The following STRBP variants were observed in gnomAD, a reference collection of about 807,000 sequenced individuals.
The protein encoded by STRBP is spermatid perinuclear RNA-binding protein.
Under a neutral mutation model 80.1 loss-of-function variants are expected in STRBP, and 13 were observed. The ratio of observed to expected loss-of-function variants is 0.16; its 90% CI spans 0.11 to 0.26. The LOEUF (loss-of-function observed/expected upper bound fraction) is 0.26. STRBP is among the 10% of genes least tolerant of loss of function. The pLI, the probability that STRBP is intolerant of heterozygous loss-of-function variation, is 1.00. For missense variants in STRBP, 485 were observed against 815.2 expected, an observed-to-expected ratio of 0.59 and a Z score of 4.93; for synonymous variants, 284 against 291.2, an observed-to-expected ratio of 0.98 and a Z score of 0.25.
At chr9:123,128,597 G>A (rs1346023759) in intron 17 of STRBP, among the ~76,000 whole-genome samples, 7 of 152,186 alleles carry the variant, frequency 4.6e-5, no homozygotes, top group Admixed American at 4.6e-4. Flanking sequence ...AAACTTATCC[G>A]TCGTCGCATC....
At chr9:123,134,562 T>C (rs910598523) in intron 16 of STRBP, among the ~76,000 whole-genome samples, 1 of 152,234 alleles carries the variant, frequency 6.6e-6, no homozygotes, top group African/African-American at 2.4e-5. Flanking sequence ...ATGAGTTTTA[T>C]AGCTTATAGT....
intron 2 of STRBP, among the ~76,000 whole-genome samples, chr9:123,190,522 T>TA (rs1164823273): frequency 6.6e-6 from 1 of 151,218 alleles, no homozygotes; most frequent in African/African-American, 2.4e-5. Context: ...TATCAATAGC[T>TA]AATATAAAAT....
At chr9:123,139,750 T>C in intron 13 of STRBP, 63 bp from the exon 14 acceptor site, 1 of 1,534,286 alleles carries the variant, frequency 6.5e-7, no homozygotes, top group East Asian at 2.3e-5. Flanking sequence ...ATAGACAAAA[T>C]ATTGAGAACA....
chr9:123,125,345 T>C lies in STRBP; in HGVS notation c.*252A>G. On this transcript the variant is annotated 3_prime_UTR_variant, in exon 19 of 19. Coordinates refer to ENST00000348403, the MANE Select transcript of STRBP (RefSeq NM_018387.5). ...TTGAACTGCTAGACTTTTATTTCCC[T>C]AGAACAGAAGGGCTGGTATAAGTTA... is the stretch of plus-strand genomic sequence containing the variant. 2.6e-6 allele frequency: 3 copies of C among 1,172,064 alleles called. No homozygotes were observed. The highest frequency in any genetic ancestry group is 3.2e-6 in the Non-Finnish European group (3 of 950,058). 72.6% of individuals were successfully genotyped at this position (1,172,064 alleles called of 1,614,324 possible).
At chr9:123,158,492 CAA>C in intron 9 of STRBP, 63 bp from the exon 10 acceptor site, 2 of 1,380,620 alleles carry the variant, frequency 1.4e-6, no homozygotes, top group Admixed American at 1.9e-5. Context: ...TAAACTAAAA[CAA>C]AAGAGAGATG....
At chr9:123,150,444 G>A (rs771789420) in intron 11 of STRBP, among the ~76,000 whole-genome samples, 27 of 152,158 alleles carry the variant, frequency 1.8e-4, no homozygotes, top group Non-Finnish European at 2.8e-4. Flanking sequence ...CCACATGCCT[G>A]TAGTCCCAGC....
In STRBP at chr9:123,240,578, G is replaced by A. The variant is rs574817308; in HGVS notation, c.-301-3612C>T. Among the ~76,000 whole-genome samples, 4 of 152,324 alleles carry A rather than the reference G, an allele frequency of 2.6e-5. No homozygotes were observed. In the East Asian group the frequency reaches 7.7e-4, roughly 29 times the overall value. ...TCAGGTTTCAGAGAAGGCATTGATA[G>A]AATTCATTTTTCTATATCCTTATCT... is the stretch of plus-strand genomic sequence containing the variant. On this transcript the variant is annotated intron_variant, in intron 1 of 18. Coordinates refer to ENST00000348403, the MANE Select transcript of STRBP (RefSeq NM_018387.5).
chr9:123,221,461 A>G (rs1315879993), intron 2 of STRBP, among the ~76,000 whole-genome samples: 3 of 151,956 alleles, frequency 2.0e-5, no homozygotes, highest in Non-Finnish European at 4.4e-5. Flanking sequence ...ATATTTTATT[A>G]TCAATTAACT....
At chr9:123,219,139 G>C (rs2039993866) in intron 2 of STRBP, among the ~76,000 whole-genome samples, 2 of 152,116 alleles carry the variant, frequency 1.3e-5, no homozygotes, top group African/African-American at 4.8e-5. Flanking sequence ...TGCCCTAAAA[G>C]ACAGAGAACA....
At chr9:123,211,725 A>G (rs893649403) in intron 2 of STRBP, among the ~76,000 whole-genome samples, 8 of 152,186 alleles carry the variant, frequency 5.3e-5, no homozygotes, top group African/African-American at 1.7e-4. Flanking sequence ...TTGTTATACT[A>G]TTTTCCTAAT....
intron 2 of STRBP, chr9:123,212,704 AT>A (rs1354452317): frequency 1.3e-5 from 2 of 152,230 alleles, no homozygotes; most frequent in Non-Finnish European, 2.9e-5. Context: ...AAATAGAGAC[AT>A]TTCCTACCAG....
intron 2 of STRBP, among the ~76,000 whole-genome samples, chr9:123,228,376 T>G (rs1220351138): frequency 6.6e-6 from 1 of 152,062 alleles, no homozygotes; most frequent in East Asian, 1.9e-4. Context: ...AGATCTCCAA[T>G]GGACACGCCA....
chr9:123,199,909 A>C (rs2039250128), intron 2 of STRBP, among the ~76,000 whole-genome samples: 1 of 152,096 alleles, frequency 6.6e-6, no homozygotes, highest in African/African-American at 2.4e-5. Context: ...ACTATGTTTA[A>C]TAGGAGTGGT....
At chr9:123,264,461 C>G (rs1329240369) in intron 1 of STRBP, among the ~76,000 whole-genome samples, 1 of 152,196 alleles carries the variant, frequency 6.6e-6, no homozygotes, top group Non-Finnish European at 1.5e-5. Flanking sequence ...TGGTAAATTA[C>G]GAAGTACTAA....
chr9:123,259,987 G>A (rs994495286), intron 1 of STRBP, among the ~76,000 whole-genome samples: 1 of 152,210 alleles, frequency 6.6e-6, no homozygotes, highest in Non-Finnish European at 1.5e-5. Context: ...AATCTCACTA[G>A]AGTGGTTTCC....
intron 2 of STRBP, among the ~76,000 whole-genome samples, chr9:123,218,002 T>A (rs542096265): frequency 5.0e-4 from 76 of 152,256 alleles, no homozygotes; most frequent in African/African-American, 1.8e-3. Flanking sequence ...TTAGTTAGCA[T>A]CCTCACACTA....
chr9:123,131,969 A>G (rs182611660), intron 17 of STRBP, among the ~76,000 whole-genome samples: 39 of 152,364 alleles, frequency 2.6e-4, no homozygotes, highest in Admixed American at 2.4e-3. Flanking sequence ...CTTGATCAGT[A>G]TCTACAAGTG....
rs998313499 is a variant in STRBP at position 123,122,760 on chromosome 9, G to A, written c.*2837C>T. On this transcript the variant is annotated 3_prime_UTR_variant, in exon 19 of 19. Transcript: ENST00000348403. ...CCTATCTCTGAGAAATTATAGTAACGCTAACTGACGCAGTCAGGAATGTAA... is the reference window on the plus strand; with the variant it reads ...CCTATCTCTGAGAAATTATAGTAACACTAACTGACGCAGTCAGGAATGTAA... The A allele has an allele frequency of 9.1e-6, 9 of 992,258 alleles. No individual in the cohort carries two copies. The highest frequency in any genetic ancestry group is 9.2e-5 in the South Asian group (2 of 21,826). 61.5% of individuals were successfully genotyped at this position (992,258 alleles called of 1,614,324 possible).
At chr9:123,222,939 C>T (rs12379764) in intron 2 of STRBP, among the ~76,000 whole-genome samples, 2 of 151,180 alleles carry the variant, frequency 1.3e-5, no homozygotes, top group Non-Finnish European at 2.9e-5. Flanking sequence ...AGATGTCTTT[C>T]GAGGTGAATA....
Sources: gnomAD v4.1 joint callset for allele counts (sites outside exome capture counted in the v4.1 genomes callset) on GRCh38, gnomAD v4.1.1 for gene constraint, MANE v1.5 for transcripts, NCBI Gene and HGNC (gene_info 2026-07-23, HGNC 2026-07-21) for gene names.